Variants in LNPK observed in about 807,000 individuals in gnomAD.
The protein encoded by LNPK is endoplasmic reticulum junction formation protein lunapark.
LNPK carries 29 observed loss-of-function variants against 55.2 expected under a neutral mutation model. That is an observed-to-expected ratio of 0.53 (90% CI 0.39 to 0.72). The LOEUF (loss-of-function observed/expected upper bound fraction) is 0.72, where lower values mean the gene tolerates loss of function less well. Ranked by LOEUF, LNPK falls within the 30% of genes least tolerant of loss-of-function variation. The pLI is 0.00. For missense variants in LNPK, 467 were observed against 494.8 expected, an observed-to-expected ratio of 0.94 and a Z score of 0.53; for synonymous variants, 162 against 168.2, an observed-to-expected ratio of 0.96 and a Z score of 0.29.
chr2:175,973,755 A>C (rs1278817210), intron 5 of LNPK, among the ~76,000 whole-genome samples: 1 of 152,248 alleles, frequency 6.6e-6, no homozygotes, highest in Non-Finnish European at 1.5e-5. Context: ...CTGTCAACTC[A>C]ACAACAGCCA....
At chr2:175,972,525 A>C (rs1389810762) in intron 5 of LNPK, among the ~76,000 whole-genome samples, 1 of 152,098 alleles carries the variant, frequency 6.6e-6, no homozygotes, top group Non-Finnish European at 1.5e-5. Context: ...AATTGAGTTC[A>C]ATTTTTTGTA....
chr2:175,929,406 A>C lies in LNPK; in HGVS notation c.*561T>G, dbSNP rs934205767. On this transcript the variant is annotated 3_prime_UTR_variant, in exon 13 of 13. Transcript: ENST00000272748. The stretch of plus-strand genomic sequence containing the variant: ...TGCCAACGTAGTTACAGTTCTACTT[A>C]ACTGTTCCACTGCATTCTTATTGAG... 3.0e-6 allele frequency: 3 copies of C among 985,598 alleles called. No individual in the cohort carries two copies. The highest frequency in any genetic ancestry group is 3.6e-6 in the Non-Finnish European group (3 of 829,838). 61.1% of individuals were successfully genotyped at this position (985,598 alleles called of 1,614,324 possible). A position where few individuals can be genotyped will look rare whatever the true frequency, so the allele number is the denominator to read the frequency against.
intron 8 of LNPK, among the ~76,000 whole-genome samples, chr2:175,960,665 C>A (rs1243847346): frequency 1.3e-5 from 2 of 152,000 alleles, no homozygotes; most frequent in African/African-American, 4.8e-5. Flanking sequence ...GAAGCAAGAG[C>A]AAACACATTC....
chr2:175,929,043 T>C lies in LNPK; in HGVS notation c.*924A>G. ...GATTTATTGTATTGTGAGCTATTCC[T>C]CCTAAGATTTTTCAGGTAGCCAAGT... On this transcript the variant is annotated 3_prime_UTR_variant, in exon 13 of 13. Coordinates refer to ENST00000272748, the MANE Select transcript of LNPK (RefSeq NM_030650.3). 4.7e-6 allele frequency: 4 copies of C among 848,508 alleles called. No individual in the cohort carries two copies. The highest frequency in any genetic ancestry group is 5.7e-6 in the Non-Finnish European group (4 of 704,750). 52.6% of individuals were successfully genotyped at this position (848,508 alleles called of 1,614,324 possible).
intron 8 of LNPK, among the ~76,000 whole-genome samples, chr2:175,957,731 C>T (rs184194674): frequency 6.5e-4 from 98 of 151,898 alleles, no homozygotes; most frequent in Non-Finnish European, 1.1e-3. Context: ...AGCCCACAGA[C>T]GATGAGCTGA....
Position 175,970,369 on chromosome 2 carries a change from C to T in LNPK, c.357+395G>A, listed in dbSNP as rs182865512. 1.1e-4 allele frequency among the ~76,000 whole-genome samples: 16 copies of T among 152,222 alleles called. No individual in the cohort carries two copies. In the East Asian group the frequency reaches 3.1e-3, roughly 29 times the overall value. On this transcript the variant is annotated intron_variant, in intron 6 of 12. Coordinates refer to ENST00000272748, the MANE Select transcript of LNPK (RefSeq NM_030650.3). Reference sequence around the variant, plus strand: ...TTCATGTTGAATTGCTCTCTTACAACCGATCTTCTTGATTCCCTCTCTTTC... The same window carrying T: ...TTCATGTTGAATTGCTCTCTTACAATCGATCTTCTTGATTCCCTCTCTTTC...
upstream of LNPK, chr2:176,002,415 T>A: frequency 3.0e-6 from 1 of 338,772 alleles, no homozygotes; most frequent in Non-Finnish European, 5.7e-6. Flanking sequence ...TAGGATCTTG[T>A]GTTTGTGGCC....
chr2:175,955,163 C>T (rs1401998264), intron 8 of LNPK, among the ~76,000 whole-genome samples: 1 of 152,200 alleles, frequency 6.6e-6, no homozygotes, highest in African/African-American at 2.4e-5. Flanking sequence ...CTTTGATTCT[C>T]CTTTCAACAA....
intron 9 of LNPK, among the ~76,000 whole-genome samples, chr2:175,947,174 AG>A (rs1414436237): frequency 6.6e-6 from 1 of 152,200 alleles, no homozygotes; most frequent in Non-Finnish European, 1.5e-5. Context: ...ATAAATCTGG[AG>A]GCATTCTAAA....
At position 175,951,584 on chromosome 2, in the gene LNPK, CAT is replaced by C. The variant is rs56037027; in HGVS notation, c.494-3894_494-3893del. On this transcript the variant is annotated intron_variant, in intron 8 of 12. Coordinates refer to ENST00000272748, the MANE Select transcript of LNPK (RefSeq NM_030650.3). ...TATGGCTGAGTAGTATTCCATCATTCATATATATATATATATATATATATATC... is the reference window on the plus strand; with the variant it reads ...TATGGCTGAGTAGTATTCCATCATTCATATATATATATATATATATATATC... Among the ~76,000 whole-genome samples the C allele has an allele frequency of 8.5e-3, 773 of 90,594 alleles. 69 individuals carry two copies. Among genetic ancestry groups the C allele is most frequent in the African/African-American group, 0.029 (639 of 21,858 alleles). The allele number at this position is 90,594 out of a possible 152,430, so 59.4% of individuals were successfully genotyped here.
intron 2 of LNPK, among the ~76,000 whole-genome samples, chr2:175,994,904 C>A (rs191569253): frequency 1.1e-3 from 150 of 142,660 alleles, no homozygotes; most frequent in African/African-American, 3.4e-3. Flanking sequence ...AAAAACAAGT[C>A]TTGTATAGAA....
At chr2:175,982,951 C>A (rs1389287861) in intron 4 of LNPK, among the ~76,000 whole-genome samples, 4 of 152,110 alleles carry the variant, frequency 2.6e-5, no homozygotes, top group African/African-American at 9.7e-5. Flanking sequence ...AATAAAACTG[C>A]AAACTACTTC....
rs1422297685 is a variant in LNPK at position 175,925,966 on chromosome 2, C to T, written c.*4001G>A. 2 of 152,062 alleles carry T rather than the reference C, an allele frequency of 1.3e-5. No individual in the cohort carries two copies. The highest frequency in any genetic ancestry group is 3.9e-4 in the East Asian group (2 of 5,180). The allele number at this position is 152,062 out of a possible 1,614,324, so 9.4% of individuals were successfully genotyped here. ...GGCGTGAGCCACCACCACACCTGGCCCCTCATTTTCTGTTTTTTAAAAACT... is the reference window on the plus strand; with the variant it reads ...GGCGTGAGCCACCACCACACCTGGCTCCTCATTTTCTGTTTTTTAAAAACT... On this transcript the variant is annotated 3_prime_UTR_variant, in exon 13 of 13. Coordinates refer to ENST00000272748, the MANE Select transcript of LNPK (RefSeq NM_030650.3).
At chr2:175,979,658 T>C (rs955944366) in intron 5 of LNPK, 152 bp downstream of exon 5, 7 of 542,902 alleles carry the variant, frequency 1.3e-5, no homozygotes, top group African/African-American at 9.9e-5. Flanking sequence ...ACCATCTTGA[T>C]CATTTATAAC....
At position 175,927,012 on chromosome 2, in the gene LNPK, C is replaced by G. The variant is rs1684038470; in HGVS notation, c.*2955G>C. 6.6e-6 allele frequency: 1 copy of G among 152,064 alleles called. No individual in the cohort carries two copies. 9.4% of individuals were successfully genotyped at this position (152,064 alleles called of 1,614,324 possible). On this transcript the variant is annotated 3_prime_UTR_variant, in exon 13 of 13. Coordinates refer to ENST00000272748, the MANE Select transcript of LNPK (RefSeq NM_030650.3). Reference sequence around the variant, plus strand: ...AGATTCAGAGAGACAGATGGTAAGTCCTTTGGTGTTGGGAAGAAACCCTAG... The same window carrying G: ...AGATTCAGAGAGACAGATGGTAAGTGCTTTGGTGTTGGGAAGAAACCCTAG...
chr2:175,959,896 A>AG (rs2105609415), intron 8 of LNPK, among the ~76,000 whole-genome samples: 1 of 152,126 alleles, frequency 6.6e-6, no homozygotes, highest in Non-Finnish European at 1.5e-5. Flanking sequence ...CAAAAAAAAA[A>AG]GCAGGGGTTA....
At chr2:175,993,037 A>G in intron 3 of LNPK, 145 bp downstream of exon 3, 3 of 532,702 alleles carry the variant, frequency 5.6e-6, no homozygotes, top group East Asian at 3.5e-5. Context: ...ATTTTTTGAG[A>G]TCACATAATA....
intron 8 of LNPK, among the ~76,000 whole-genome samples, chr2:175,949,131 T>G (rs1396098199): frequency 6.6e-6 from 1 of 152,108 alleles, no homozygotes; most frequent in East Asian, 1.9e-4. Context: ...GGTTCACAAT[T>G]TAGTCTTTAA....
chr2:175,987,344 TA>T (rs1486435823), intron 4 of LNPK, among the ~76,000 whole-genome samples: 5 of 152,178 alleles, frequency 3.3e-5, no homozygotes, highest in Non-Finnish European at 7.3e-5. Context: ...TATGCAGCCA[TA>T]AAAAATGATG....
Sources: gnomAD v4.1 joint callset for allele counts (sites outside exome capture counted in the v4.1 genomes callset) on GRCh38, gnomAD v4.1.1 for gene constraint, MANE v1.5 for transcripts, NCBI Gene and HGNC (gene_info 2026-07-23, HGNC 2026-07-21) for gene names.